The following SPOCK1 variants were observed in gnomAD, a reference collection of about 807,000 sequenced individuals.
SPOCK1 encodes the protein testican-1.
Under a neutral mutation model 55.3 loss-of-function variants are expected in SPOCK1, and 23 were observed. The ratio of observed to expected loss-of-function variants is 0.42; its 90% CI spans 0.30 to 0.59. The LOEUF is 0.59. Among genes scored for constraint, SPOCK1 ranks in the 20% least tolerant of loss-of-function variants. The pLI, the probability that SPOCK1 is intolerant of heterozygous loss-of-function variation, is 0.22. For synonymous variants in SPOCK1, 226 were observed against 221.0 expected, an observed-to-expected ratio of 1.02 and a Z score of -0.20; for missense variants, 499 against 552.5, an observed-to-expected ratio of 0.90 and a Z score of 0.97.
At chr5:137,003,025 T>G (rs1472932188) in intron 6 of SPOCK1, among the ~76,000 whole-genome samples, 1 of 152,160 alleles carries the variant, frequency 6.6e-6, no homozygotes, top group Non-Finnish European at 1.5e-5. Context: ...TTAGAAATAA[T>G]GAGGAGCCCA....
At chr5:137,055,424 G>A (rs1188116472) in intron 6 of SPOCK1, among the ~76,000 whole-genome samples, 1 of 152,186 alleles carries the variant, frequency 6.6e-6, no homozygotes, top group Non-Finnish European at 1.5e-5. Context: ...TAGCTCAGAG[G>A]CCTTGAGAAG....
At chr5:137,468,165 A>C (rs1025302532) in intron 2 of SPOCK1, among the ~76,000 whole-genome samples, 1 of 152,260 alleles carries the variant, frequency 6.6e-6, no homozygotes, top group African/African-American at 2.4e-5. Flanking sequence ...ACTCCTTCTC[A>C]TTCCATTTCT....
chr5:137,204,494 G>T (rs1755485747), intron 3 of SPOCK1, among the ~76,000 whole-genome samples: 1 of 151,832 alleles, frequency 6.6e-6, no homozygotes, highest in Admixed American at 6.6e-5. Flanking sequence ...TAATAGTAAA[G>T]GTAGAAATCT....
intron 2 of SPOCK1, among the ~76,000 whole-genome samples, chr5:137,379,054 G>A (rs1307485227): frequency 6.6e-6 from 1 of 152,060 alleles, no homozygotes; most frequent in Non-Finnish European, 1.5e-5. Context: ...TGGGAGCCCT[G>A]CAGTGCAACC....
intron 3 of SPOCK1, among the ~76,000 whole-genome samples, chr5:137,226,091 T>C (rs879821670): frequency 6.6e-6 from 1 of 152,196 alleles, no homozygotes; most frequent in Non-Finnish European, 1.5e-5. Flanking sequence ...GACACAAGAC[T>C]ATCAGTGGGC....
intron 6 of SPOCK1, among the ~76,000 whole-genome samples, chr5:137,008,457 C>T (rs1430045022): frequency 6.6e-6 from 1 of 151,928 alleles, no homozygotes; most frequent in African/African-American, 2.4e-5. Flanking sequence ...TTAAAACAGC[C>T]AAGAAAAGAA....
intron 3 of SPOCK1, among the ~76,000 whole-genome samples, chr5:137,165,330 T>C (rs1182093280): frequency 2.2e-5 from 2 of 92,176 alleles, no homozygotes; most frequent in Non-Finnish European, 4.3e-5. Flanking sequence ...GTGGTACTTC[T>C]ATCAGTCTAC....
At chr5:137,467,835 A>G (rs1328738170) in intron 2 of SPOCK1, among the ~76,000 whole-genome samples, 1 of 152,206 alleles carries the variant, frequency 6.6e-6, no homozygotes, top group African/African-American at 2.4e-5. Flanking sequence ...ATATGTGCCC[A>G]AGCAACACCA....
At chr5:137,190,603 T>C (rs970395668) in intron 3 of SPOCK1, among the ~76,000 whole-genome samples, 1 of 152,232 alleles carries the variant, frequency 6.6e-6, no homozygotes, top group Non-Finnish European at 1.5e-5. Flanking sequence ...TTTAGTGGAA[T>C]GGTTTGGAAC....
At chr5:137,412,879 C>G (rs1752238765) in intron 2 of SPOCK1, among the ~76,000 whole-genome samples, 1 of 151,802 alleles carries the variant, frequency 6.6e-6, no homozygotes, top group East Asian at 1.9e-4. Context: ...TTTCCTTCAA[C>G]AGAAGACTTG....
At chr5:137,402,230 G>GA (rs1751998586) in intron 2 of SPOCK1, among the ~76,000 whole-genome samples, 1 of 152,148 alleles carries the variant, frequency 6.6e-6, no homozygotes, top group South Asian at 2.1e-4. Flanking sequence ...TGCTTCAGTA[G>GA]AAGCTGTTAG....
intron 3 of SPOCK1, among the ~76,000 whole-genome samples, chr5:137,199,134 C>T (rs1304681951): frequency 6.6e-6 from 1 of 152,228 alleles, no homozygotes; most frequent in African/African-American, 2.4e-5. Flanking sequence ...TCATCTTCCT[C>T]AGAGTCTGAG....
chr5:137,051,576 A>G (rs1442581771), intron 6 of SPOCK1, among the ~76,000 whole-genome samples: 1 of 152,242 alleles, frequency 6.6e-6, no homozygotes, highest in Admixed American at 6.5e-5. Context: ...CTGACTGGAT[A>G]AAAACCTCAA....
intron 2 of SPOCK1, among the ~76,000 whole-genome samples, chr5:137,477,285 G>C (rs919393372): frequency 2.6e-5 from 4 of 152,092 alleles, no homozygotes; most frequent in Admixed American, 2.0e-4. Flanking sequence ...GGCTATCTTG[G>C]GGTGACAGGA....
intron 8 of SPOCK1, among the ~76,000 whole-genome samples, chr5:136,987,461 G>A (rs747101114): frequency 6.6e-6 from 1 of 152,138 alleles, no homozygotes; most frequent in Non-Finnish European, 1.5e-5. Flanking sequence ...TAGAGAATAG[G>A]TATTCTCATA....
At chr5:137,289,875 C>T (rs1337961743) in intron 2 of SPOCK1, among the ~76,000 whole-genome samples, 2 of 152,142 alleles carry the variant, frequency 1.3e-5, no homozygotes, top group Non-Finnish European at 2.9e-5. Context: ...TGAATAGGCA[C>T]TTTACAAAAT....
intron 6 of SPOCK1, among the ~76,000 whole-genome samples, chr5:137,017,096 A>G (rs1751460912): frequency 6.6e-6 from 1 of 152,232 alleles, no homozygotes; most frequent in Admixed American, 6.5e-5. Flanking sequence ...CTGAGGCAGG[A>G]GCTCTCAAGG....
rs532533516 is a variant in SPOCK1 at position 136,977,625 on chromosome 5, A to G, written c.*1029T>C. 44 of 345,054 alleles carry G rather than the reference A, an allele frequency of 1.3e-4. No individual in the cohort carries two copies. Among genetic ancestry groups the G allele is most frequent in the African/African-American group, 1.0e-3 (40 of 38,236 alleles). The allele number at this position is 345,054 out of a possible 1,614,324, so 21.4% of individuals were successfully genotyped here. On this transcript the variant is annotated 3_prime_UTR_variant, in exon 11 of 11. Coordinates refer to ENST00000394945, the MANE Select transcript of SPOCK1 (RefSeq NM_004598.4). ...AGGAAGGAAGAAACCTATGGCAGAC[A>G]GGATTGCTGCAGCCAAGGGGCTTCA...
At chr5:136,989,342 T>G (rs1349333197) in intron 7 of SPOCK1, among the ~76,000 whole-genome samples, 1 of 152,226 alleles carries the variant, frequency 6.6e-6, no homozygotes, top group Admixed American at 6.5e-5. Context: ...ATAATAACAC[T>G]TAGCTCAACA....
Sources: allele counts gnomAD v4.1 joint callset (sites outside exome capture counted in the v4.1 genomes callset), GRCh38; gene constraint gnomAD v4.1.1; transcripts MANE v1.5; gene names NCBI Gene and HGNC (gene_info 2026-07-23, HGNC 2026-07-21).